The following SLC24A2 variants were observed in gnomAD, a reference collection of about 807,000 sequenced individuals.
SLC24A2 encodes the protein solute carrier family 24 member 2, also known as sodium/potassium/calcium exchanger 2.
Under a neutral mutation model 62.0 loss-of-function variants are expected in SLC24A2, and 36 were observed. The observed-to-expected ratio is 0.58, with a 90% confidence interval of 0.44 to 0.77. SLC24A2 has a LOEUF of 0.77. Among genes scored for constraint, SLC24A2 ranks in the 30% least tolerant of loss-of-function variants. SLC24A2 has a pLI of 0.00. For synonymous variants in SLC24A2, 358 were observed against 294.0 expected (o/e 1.22, Z -2.23); for missense variants, 846 against 817.9 (o/e 1.03, Z -0.42).
chr9:19,699,298 GA>G (rs1820287911), intron 2 of SLC24A2, among the ~76,000 whole-genome samples: 1 of 152,102 alleles, frequency 6.6e-6, no homozygotes, highest in Admixed American at 6.6e-5. Context: ...ATTCAAAGAA[GA>G]ATTTGTTTCT....
Position 19,576,958 on chromosome 9 carries a change from C to G in SLC24A2, c.1194G>C (p.Glu398Asp). 1 of 1,614,142 alleles carries G rather than the reference C, an allele frequency of 6.2e-7. No homozygotes were observed. ...KIAKKKCHVDENERQNGAANH... is the reference protein window; with the variant it reads ...KIAKKKCHVDDNERQNGAANH... ...TGGCAGCCCCATTCTGCCTCTCGTT[C>G]TCATCCACATGACATTTCTTCTTGG... The change falls in exon 6 of 11, where the codon GAG (glutamate) becomes GAC (aspartate). Residue 398 changes from glutamate to aspartate, a missense_variant. Physicochemically the swap from Glu to Asp is conservative, Grantham distance 45. Transcript: ENST00000341998.
intron 2 of SLC24A2, among the ~76,000 whole-genome samples, chr9:19,774,625 G>A (rs934040770): frequency 2.0e-5 from 3 of 152,128 alleles, no homozygotes; most frequent in African/African-American, 2.4e-5. Flanking sequence ...GGTGCTTCAG[G>A]TTTTAGCTGA....
the SLC24A2 span, among the ~76,000 whole-genome samples, chr9:20,192,997 T>G: frequency 6.6e-6 from 1 of 152,152 alleles, no homozygotes; most frequent in Non-Finnish European, 1.5e-5. Flanking sequence ...CAGCACACAG[T>G]ATAGTGCTTT....
chr9:19,715,526 G>C (rs1245155354), intron 2 of SLC24A2, among the ~76,000 whole-genome samples: 1 of 152,184 alleles, frequency 6.6e-6, no homozygotes, highest in African/African-American at 2.4e-5. Flanking sequence ...TGGCTCCTCA[G>C]ATACCTCTGT....
At chr9:20,156,244 C>G in the SLC24A2 span, among the ~76,000 whole-genome samples, 1 of 151,768 alleles carries the variant, frequency 6.6e-6, no homozygotes, top group African/African-American at 2.4e-5. Context: ...TACATATAGA[C>G]TCTAAGTATT....
the SLC24A2 span, among the ~76,000 whole-genome samples, chr9:20,144,741 A>G: frequency 6.6e-6 from 1 of 152,140 alleles, no homozygotes; most frequent in African/African-American, 2.4e-5. Context: ...CTTGGATTTA[A>G]CTATACGGCT....
At chr9:20,152,366 CTG>C in the SLC24A2 span, among the ~76,000 whole-genome samples, 7 of 151,892 alleles carry the variant, frequency 4.6e-5, no homozygotes, top group Non-Finnish European at 1.0e-4. Flanking sequence ...TTAAAACTCT[CTG>C]TGGACTTTTC....
the SLC24A2 span, among the ~76,000 whole-genome samples, chr9:20,144,505 G>A: frequency 6.6e-6 from 1 of 152,038 alleles, no homozygotes; most frequent in Non-Finnish European, 1.5e-5. Flanking sequence ...AAAGCCTCTC[G>A]GCACCCATTT....
the SLC24A2 span, among the ~76,000 whole-genome samples, chr9:20,050,816 C>A: frequency 1.3e-5 from 2 of 152,174 alleles, no homozygotes; most frequent in South Asian, 2.1e-4. Context: ...GTAGCCTAAT[C>A]AATTGGTTTG....
At chr9:20,258,192 A>C in the SLC24A2 span, among the ~76,000 whole-genome samples, 1 of 152,198 alleles carries the variant, frequency 6.6e-6, no homozygotes, top group Non-Finnish European at 1.5e-5. Flanking sequence ...CAAATGATTA[A>C]ATTAATATGT....
At chr9:20,271,887 A>G in the SLC24A2 span, among the ~76,000 whole-genome samples, 4 of 152,262 alleles carry the variant, frequency 2.6e-5, no homozygotes, top group Non-Finnish European at 5.9e-5. Context: ...AAAAATTTGT[A>G]CTTAATCAGA....
chr9:20,060,739 A>T, the SLC24A2 span, among the ~76,000 whole-genome samples: 1 of 152,192 alleles, frequency 6.6e-6, no homozygotes, highest in African/African-American at 2.4e-5. Flanking sequence ...ATACAACCAT[A>T]TTAGAAAGAA....
At chr9:20,035,439 A>G in the SLC24A2 span, among the ~76,000 whole-genome samples, 6 of 152,196 alleles carry the variant, frequency 3.9e-5, no homozygotes, top group Admixed American at 6.5e-5. Context: ...GAGACTTCCA[A>G]TGAAAAATGA....
chr9:20,273,710 C>G, the SLC24A2 span, among the ~76,000 whole-genome samples: 1 of 152,162 alleles, frequency 6.6e-6, no homozygotes, highest in Non-Finnish European at 1.5e-5. Flanking sequence ...TGTAAATTGC[C>G]CAGTCTCAGG....
At chr9:19,973,332 T>C in the SLC24A2 span, among the ~76,000 whole-genome samples, 1 of 152,232 alleles carries the variant, frequency 6.6e-6, no homozygotes, top group Non-Finnish European at 1.5e-5. Context: ...TGCAACTCCC[T>C]AAGGGAGAAA....
chr9:19,523,769 C>A (rs536532787), intron 9 of SLC24A2, among the ~76,000 whole-genome samples: 9 of 152,256 alleles, frequency 5.9e-5, no homozygotes, highest in African/African-American at 1.9e-4. Context: ...AGCCAAAAAA[C>A]CAGATTTTAT....
the SLC24A2 span, among the ~76,000 whole-genome samples, chr9:19,942,989 G>A: frequency 6.6e-6 from 1 of 152,144 alleles, no homozygotes; most frequent in Non-Finnish European, 1.5e-5. Flanking sequence ...AGTGATTAGA[G>A]CAAGAAATAG....
At chr9:19,907,444 C>A in the SLC24A2 span, among the ~76,000 whole-genome samples, 1 of 152,176 alleles carries the variant, frequency 6.6e-6, no homozygotes, top group Non-Finnish European at 1.5e-5. Flanking sequence ...TCTCATCACT[C>A]CTATTCAACA....
chr9:19,645,616 G>A (rs901010207), intron 2 of SLC24A2, among the ~76,000 whole-genome samples: 11 of 152,102 alleles, frequency 7.2e-5, no homozygotes, highest in South Asian at 2.1e-4. Flanking sequence ...GGTGAGTTCC[G>A]GTGACAGTTC....
Sources: allele counts gnomAD v4.1 joint callset (sites outside exome capture counted in the v4.1 genomes callset), GRCh38; gene constraint gnomAD v4.1.1; transcripts MANE v1.5; gene names NCBI Gene and HGNC (gene_info 2026-07-23, HGNC 2026-07-21).